OPA1: variants seen among roughly 807,000 people sequenced by gnomAD.
OPA1 encodes dynamin-like GTPase OPA1, mitochondrial.
OPA1 carries 59 observed loss-of-function variants against 152.9 expected under a neutral mutation model. That is an observed-to-expected ratio of 0.39 (90% CI 0.31 to 0.48). The LOEUF is 0.48. Ranked by LOEUF, OPA1 falls within the 20% of genes least tolerant of loss-of-function variation. The probability of loss-of-function intolerance (pLI) is 0.96; values close to 1 mark genes in which losing one functional copy is unlikely to be tolerated. For missense variants in OPA1, 1,008 were observed against 1,216.8 expected (o/e 0.83, Z 2.55); for synonymous variants, 400 against 389.9 (o/e 1.03, Z -0.31).
chr3:193,603,909 C>A (rs1178901195), intron 1 of OPA1, among the ~76,000 whole-genome samples: 1 of 151,988 alleles, frequency 6.6e-6, no homozygotes, highest in Non-Finnish European at 1.5e-5. Flanking sequence ...TCACCATCAT[C>A]AGGCAGAGAT....
intron 20 of OPA1, chr3:193,648,558 T>C (rs1354633826): frequency 2.1e-5 from 10 of 468,840 alleles, no homozygotes; most frequent in African/African-American, 1.8e-4. Context: ...GAACAAGTGT[T>C]ATGTGAAAAA....
chr3:193,609,259 C>T (rs1727796501), intron 1 of OPA1, among the ~76,000 whole-genome samples: 1 of 152,120 alleles, frequency 6.6e-6, no homozygotes, highest in African/African-American at 2.4e-5. Context: ...TCAACATTTG[C>T]TTGTCTGTAA....
At chr3:193,635,606 A>T in intron 9 of OPA1, 84 bp downstream of exon 9, 2 of 817,286 alleles carry the variant, frequency 2.4e-6, no homozygotes, top group East Asian at 4.9e-5. Context: ...AAGGAGCTGT[A>T]AAGTATTCTG....
chr3:193,631,291 A>G lies in OPA1; in HGVS notation c.790-321A>G, dbSNP rs1027039619. 4.6e-5 allele frequency among the ~76,000 whole-genome samples: 7 copies of G among 152,190 alleles called. No individual in the cohort carries two copies. In the East Asian group the frequency reaches 1.2e-3, roughly 25 times the overall value. ...AATCCCTATGCTTTAGTACAAAACA[A>G]CTTCTGAAGAATTTAGTAACCATAT... is the stretch of plus-strand genomic sequence containing the variant. On this transcript the variant is annotated intron_variant, in intron 7 of 30. Transcript: ENST00000361510.
chr3:193,665,106 GAAA>G lies in OPA1; in HGVS notation c.2778+115_2778+117del. ...ATTTTAAGTCCTTTGATCATCTGGGGAAAAAAAGTATGTGTAATTTATAAAGAA... is the reference window on the plus strand; with the variant it reads ...ATTTTAAGTCCTTTGATCATCTGGGGAAAAGTATGTGTAATTTATAAAGAA... On this transcript the variant is annotated intron_variant, in intron 27 of 30. Coordinates refer to ENST00000361510, the MANE Select transcript of OPA1 (RefSeq NM_130837.3). The G allele has an allele frequency of 4.4e-6, 3 of 678,186 alleles. No individual in the cohort carries two copies. The South Asian group carries it at 5.0e-5, about 11-fold the overall frequency. 42.0% of individuals were successfully genotyped at this position (678,186 alleles called of 1,614,324 possible).
At chr3:193,615,381 C>T (rs560095515) in intron 2 of OPA1, among the ~76,000 whole-genome samples, 10 of 152,292 alleles carry the variant, frequency 6.6e-5, no homozygotes, top group African/African-American at 2.4e-4. Flanking sequence ...AGAGGCAAGG[C>T]GTCCTGTCTC....
At chr3:193,617,674 G>C (rs1032918696) in intron 4 of OPA1, 110 bp from the exon 5 acceptor site, 1 of 799,186 alleles carries the variant, frequency 1.3e-6, no homozygotes, top group South Asian at 1.4e-5. Flanking sequence ...TGGCATATTT[G>C]CCCAATTATT....
chr3:193,626,257 G>A (rs1731120024), intron 7 of OPA1, 55 bp downstream of exon 7: 2 of 1,245,592 alleles, frequency 1.6e-6, no homozygotes, highest in African/African-American at 1.5e-5. Context: ...AGCCATTTCT[G>A]CCAAGATCAT....
chr3:193,679,797 T>G (rs1719835676), intron 29 of OPA1, among the ~76,000 whole-genome samples: 1 of 152,194 alleles, frequency 6.6e-6, no homozygotes, highest in African/African-American at 2.4e-5. Flanking sequence ...AATTCTAGGT[T>G]TATAAATCTA....
chr3:193,621,743 A>G (rs1037339652), intron 6 of OPA1, among the ~76,000 whole-genome samples: 10 of 152,244 alleles, frequency 6.6e-5, no homozygotes, highest in Admixed American at 2.0e-4. Context: ...TTGAAAACGT[A>G]TGTCCACTGG....
chr3:193,659,302 A>G (rs190708653), intron 24 of OPA1, among the ~76,000 whole-genome samples, 180 bp from the exon 25 acceptor site: 2 of 152,346 alleles, frequency 1.3e-5, no homozygotes, highest in East Asian at 3.9e-4. Context: ...TATCTTAAAC[A>G]CATATATAAT....
At chr3:193,655,354 G>T (rs1193421472) in intron 22 of OPA1, among the ~76,000 whole-genome samples, 1 of 152,058 alleles carries the variant, frequency 6.6e-6, no homozygotes. Context: ...AACATTTTCT[G>T]TGGATTCTGT....
intron 1 of OPA1, among the ~76,000 whole-genome samples, chr3:193,595,284 GC>G (rs1725317314): frequency 6.6e-6 from 1 of 152,176 alleles, no homozygotes; most frequent in African/African-American, 2.4e-5. Flanking sequence ...GTAAATACAT[GC>G]TCATGGACAT....
At chr3:193,637,845 G>A in intron 10 of OPA1, 107 bp from the exon 11 acceptor site, 2 of 897,574 alleles carry the variant, frequency 2.2e-6, no homozygotes, top group Non-Finnish European at 3.6e-6. Context: ...TTTTTCACCT[G>A]TAGAAATTTT....
At chr3:193,644,841 TTTTGTATAAAAGA>T (rs2109052279) in intron 16 of OPA1, among the ~76,000 whole-genome samples, 1 of 152,294 alleles carries the variant, frequency 6.6e-6, no homozygotes, top group East Asian at 1.9e-4. Flanking sequence ...TTTCAGTCCT[TTTTGTATAAAAGA>T]TTCAGCATTA....
rs1222618525 is a variant in OPA1 at position 193,614,753 on chromosome 3, C to T, written c.63C>T (p.Ser21=). Reference sequence around the variant, plus strand: ...TCTGCCAGTCTTTAGTGAAACACAGCTCTGGAATAAAAGGAAGTTTACCAC... The same window carrying T: ...TCTGCCAGTCTTTAGTGAAACACAGTTCTGGAATAAAAGGAAGTTTACCAC... ...CEVCQSLVKH[S]SGIKGSLPLQ... The change falls in exon 2 of 31, where the codon AGC becomes AGT. Residue 21 remains serine (S), a synonymous_variant. Transcript: ENST00000361510. 1.2e-6 allele frequency: 2 copies of T among 1,613,870 alleles called. No homozygotes were observed. Among genetic ancestry groups the T allele is most frequent in the East Asian group, 2.2e-5 (1 of 44,880 alleles).
rs59723526 is a variant in OPA1 at position 193,596,306 on chromosome 3, T to TTTTCCTTTCCTTTCC, written c.32+2916_32+2930dup. Among the ~76,000 whole-genome samples, 943 of 105,374 alleles carry TTTTCCTTTCCTTTCC rather than the reference T, an allele frequency of 8.9e-3. 16 individuals are homozygous for TTTTCCTTTCCTTTCC. Among genetic ancestry groups the TTTTCCTTTCCTTTCC allele is most frequent in the East Asian group, 0.053 (182 of 3,454 alleles). The allele number at this position is 105,374 out of a possible 152,430, so 69.1% of individuals were successfully genotyped here. On this transcript the variant is annotated intron_variant, in intron 1 of 30. Transcript: ENST00000361510. ...ATTGGCCATCGCAACTTTTCTTTTC[T>TTTTCCTTTCCTTTCC]TTTCCTTTCCTTTCCTTTCCTTTCC...
chr3:193,611,713 A>G (rs1026804767), intron 1 of OPA1, among the ~76,000 whole-genome samples: 3 of 151,830 alleles, frequency 2.0e-5, no homozygotes, highest in Non-Finnish European at 4.4e-5. Context: ...GATGGAGTCC[A>G]TTTATAAGTA....
chr3:193,659,348 GT>G (rs200485308), intron 24 of OPA1, 133 bp from the exon 25 acceptor site: 2 of 769,390 alleles, frequency 2.6e-6, no homozygotes, highest in Admixed American at 2.3e-5. Flanking sequence ...AGTCATGTGG[GT>G]TTTTTCCTTT....
Sources: gnomAD v4.1 joint callset for allele counts (sites outside exome capture counted in the v4.1 genomes callset) on GRCh38, gnomAD v4.1.1 for gene constraint, MANE v1.5 for transcripts, NCBI Gene and HGNC (gene_info 2026-07-23, HGNC 2026-07-21) for gene names.